LRCH2: variants seen among roughly 807,000 people sequenced by gnomAD.
LRCH2 encodes the protein leucine rich repeats and calponin homology domain containing 2.
In LRCH2, 38 loss-of-function variants were observed where a neutral mutation model predicts 68.9. The observed-to-expected ratio is 0.55, with a 90% CI of 0.43 to 0.72. LRCH2 has a LOEUF of 0.72. Among genes scored for constraint, LRCH2 ranks in the 30% least tolerant of loss-of-function variants. LRCH2 has a pLI of 0.00. For synonymous variants in LRCH2, 191 were observed against 208.1 expected, an observed-to-expected ratio of 0.92 and a Z score of 0.71; for missense variants, 528 against 572.9, an observed-to-expected ratio of 0.92 and a Z score of 0.80.
At chrX:115,192,998 G>GA (rs1556561816) in intron 1 of LRCH2, 1 of 214,782 alleles carries the variant, frequency 4.7e-6, no homozygotes, top group Admixed American at 7.1e-5. Flanking sequence ...ACCTAAAATG[G>GA]AAAAATGGAT....
chrX:115,156,754 T>C (rs2072478290), intron 11 of LRCH2, 87 bp from the exon 12 acceptor site: 2 of 489,596 alleles, frequency 4.1e-6, no homozygotes, highest in South Asian at 1.2e-4. Context: ...ATAAACTGCA[T>C]CTGGTCCTTG....
chrX:115,126,908 TA>T lies in LRCH2; in HGVS notation c.1741-16del. On this transcript the variant is annotated splice_polypyrimidine_tract_variant and intron_variant, in intron 15 of 20. Transcript: ENST00000317135. Reference sequence around the variant, plus strand: ...TCACTGTCTTGCTAAAACATAAAAATAAAAAGATGGAAGATGAAATTACAAT... The same window carrying T: ...TCACTGTCTTGCTAAAACATAAAAATAAAAGATGGAAGATGAAATTACAAT... The T allele has an allele frequency of 1.0e-6, 1 of 958,155 alleles. No homozygotes were observed. Among genetic ancestry groups the T allele is most frequent in the Non-Finnish European group, 1.4e-6 (1 of 716,802 alleles). The allele number at this position is 958,155 out of a possible 1,213,427, so 79.0% of individuals were successfully genotyped here.
Position 115,113,225 on chromosome X carries a change from A to T in LRCH2, c.2289T>A (p.Ser763=). The T allele has an allele frequency of 8.4e-7, 1 of 1,191,138 alleles. No homozygotes were observed. Among genetic ancestry groups the T allele is most frequent in the Non-Finnish European group, 1.1e-6 (1 of 884,367 alleles). The change falls in exon 21 of 21, where the codon TCT becomes TCA. Residue 763 remains serine, a synonymous_variant. Transcript: ENST00000317135. The part of the protein sequence containing the change: ...ELPTTKASQL[S]VA The stretch of plus-strand genomic sequence containing the variant: ...ATTTTAAAATGTTATATTAAGCCAC[A>T]GAAAGCTGAGATGCCTTGGTTGTTG...
At chrX:115,139,307 A>T (rs1450893346) in intron 14 of LRCH2, among the ~76,000 whole-genome samples, 2 of 112,255 alleles carry the variant, frequency 1.8e-5, no homozygotes, top group Non-Finnish European at 3.8e-5. Flanking sequence ...ATAGTGTACT[A>T]TATTTATGAA....
At chrX:115,214,376 G>A (rs2073028458) in intron 1 of LRCH2, among the ~76,000 whole-genome samples, 1 of 111,929 alleles carries the variant, frequency 8.9e-6, no homozygotes, top group Non-Finnish European at 1.9e-5. Flanking sequence ...CATGGCTCTG[G>A]CATCTGCCTC....
chrX:115,156,554 A>G (rs1556539768), intron 12 of LRCH2, 48 bp downstream of exon 12: 2 of 855,293 alleles, frequency 2.3e-6, no homozygotes, highest in Non-Finnish European at 3.3e-6. Context: ...TCAAAGGATC[A>G]ATACTCATTA....
chrX:115,183,070 G>GCACACA (rs782061488), intron 3 of LRCH2, among the ~76,000 whole-genome samples: 2 of 106,226 alleles, frequency 1.9e-5, no homozygotes, highest in African/African-American at 3.4e-5. Context: ...GCACGCACAC[G>GCACACA]CACACACACA....
At chrX:115,168,584 T>C (rs2072582366) in intron 6 of LRCH2, among the ~76,000 whole-genome samples, 1 of 111,776 alleles carries the variant, frequency 8.9e-6, no homozygotes, top group Non-Finnish European at 1.9e-5. Flanking sequence ...AAATTAAAAA[T>C]TATATATGTG....
intron 1 of LRCH2, among the ~76,000 whole-genome samples, chrX:115,199,801 C>A (rs1414085026): frequency 8.9e-6 from 1 of 112,064 alleles, no homozygotes; most frequent in Non-Finnish European, 1.9e-5. Context: ...CCAAATGGAC[C>A]TAACAAATTT....
chrX:115,212,643 G>A (rs1374056929), intron 1 of LRCH2, among the ~76,000 whole-genome samples: 1 of 109,558 alleles, frequency 9.1e-6, no homozygotes, highest in African/African-American at 3.3e-5. Flanking sequence ...GGGACTACAA[G>A]CATGCACCAC....
intron 1 of LRCH2, among the ~76,000 whole-genome samples, chrX:115,230,601 C>A (rs1295240863): frequency 9.0e-6 from 1 of 111,401 alleles, no homozygotes; most frequent in Non-Finnish European, 1.9e-5. Flanking sequence ...AATACATTTT[C>A]CCTCATAGGA....
In LRCH2 at chrX:115,227,253, AGGCAACATAGCCAG is replaced by A. The variant is rs1475311987; in HGVS notation, c.349+6426_349+6439del. Among the ~76,000 whole-genome samples, 6 of 108,178 alleles carry A rather than the reference AGGCAACATAGCCAG, an allele frequency of 5.5e-5. No individual in the cohort carries two copies. The South Asian group carries it at 2.5e-3, about 46-fold the overall frequency. The allele number at this position is 108,178 out of a possible 115,157, so 93.9% of individuals were successfully genotyped here. A position where few individuals can be genotyped will look rare whatever the true frequency, so the allele number is the denominator to read the frequency against. On this transcript the variant is annotated intron_variant, in intron 1 of 20. Coordinates refer to ENST00000317135, the MANE Select transcript of LRCH2 (RefSeq NM_020871.4). ...GTGAACAGCCACTATATTCCAGCCC[AGGCAACATAGCCAG>A]GGCAACATAGCAAGGCCTTGTCTCT... is the stretch of plus-strand genomic sequence containing the variant.
intron 1 of LRCH2, chrX:115,189,463 G>C: frequency 8.5e-7 from 1 of 1,176,270 alleles, no homozygotes; most frequent in Non-Finnish European, 1.1e-6. Flanking sequence ...GGATCGCCCA[G>C]AGAAGCTTTT....
chrX:115,160,202 G>A (rs2072508195), intron 11 of LRCH2, among the ~76,000 whole-genome samples: 1 of 110,593 alleles, frequency 9.0e-6, no homozygotes, highest in African/African-American at 3.3e-5. Context: ...TGTAGTCCCA[G>A]CTACTTGGGA....
chrX:115,222,758 T>C (rs1294578296), intron 1 of LRCH2, among the ~76,000 whole-genome samples: 1 of 112,200 alleles, frequency 8.9e-6, no homozygotes, highest in Non-Finnish European at 1.9e-5. Context: ...ATTGATAAGA[T>C]GGCAAAATTC....
chrX:115,111,522 T>C lies in LRCH2; in HGVS notation c.*1694A>G, dbSNP rs782173295. The C allele has an allele frequency of 2.7e-5, 3 of 110,854 alleles. No homozygotes were observed. The highest frequency in any genetic ancestry group is 7.4e-4 in the South Asian group (2 of 2,691). The allele number at this position is 110,854 out of a possible 1,213,427, so 9.1% of individuals were successfully genotyped here. On this transcript the variant is annotated 3_prime_UTR_variant, in exon 21 of 21. Coordinates refer to ENST00000317135, the MANE Select transcript of LRCH2 (RefSeq NM_020871.4). ...CCATTTCTTACATATATTACCCAAG[T>C]TTTCACTAGGGAGATTATGTCAGCG...
intron 14 of LRCH2, among the ~76,000 whole-genome samples, chrX:115,144,134 C>A (rs782759723): frequency 1.8e-5 from 2 of 110,972 alleles, no homozygotes; most frequent in Non-Finnish European, 3.8e-5. Flanking sequence ...CAGGAGTTTC[C>A]CTGCACAAGC....
At chrX:115,222,963 T>A (rs1309933417) in intron 1 of LRCH2, among the ~76,000 whole-genome samples, 2 of 111,667 alleles carry the variant, frequency 1.8e-5, no homozygotes, top group Non-Finnish European at 3.8e-5. Flanking sequence ...ATCAATACAG[T>A]GTGGTATTGG....
chrX:115,218,932 G>A (rs887988900), intron 1 of LRCH2, among the ~76,000 whole-genome samples: 3 of 111,849 alleles, frequency 2.7e-5, no homozygotes, highest in African/African-American at 9.8e-5. Flanking sequence ...CCCTCCACTG[G>A]CAACAGTTTG....
Sources: gnomAD v4.1 joint callset for allele counts (sites outside exome capture counted in the v4.1 genomes callset) on GRCh38, gnomAD v4.1.1 for gene constraint, MANE v1.5 for transcripts, NCBI Gene and HGNC (gene_info 2026-07-23, HGNC 2026-07-21) for gene names.